The following STAB2 variants were observed in gnomAD, a reference collection of about 807,000 sequenced individuals.
STAB2 encodes stabilin 2.
A neutral mutation model predicts 338.1 loss-of-function variants in STAB2; 288 were observed. The observed-to-expected ratio is 0.85, with a 90% CI of 0.77 to 0.94. The LOEUF (loss-of-function observed/expected upper bound fraction) is 0.94. STAB2 is among the 40% of genes least tolerant of loss of function. The probability of loss-of-function intolerance (pLI) is 0.00; values close to 1 mark genes in which losing one functional copy is unlikely to be tolerated. For synonymous variants in STAB2, 1,202 were observed against 1,193.3 expected, an observed-to-expected ratio of 1.01 and a Z score of -0.15; for missense variants, 3,141 against 3,210.1, an observed-to-expected ratio of 0.98 and a Z score of 0.52.
At chr12:103,661,395 A>T (rs1874607784) in intron 17 of STAB2, among the ~76,000 whole-genome samples, 1 of 152,180 alleles carries the variant, frequency 6.6e-6, no homozygotes, top group Non-Finnish European at 1.5e-5. Flanking sequence ...GATGGTGATG[A>T]TTATCTCATT....
At chr12:103,680,075 G>C (rs77765270) in intron 25 of STAB2, among the ~76,000 whole-genome samples, 1 of 152,186 alleles carries the variant, frequency 6.6e-6, no homozygotes, top group African/African-American at 2.4e-5. Context: ...TCCTAGAATA[G>C]TCAGGTTCAT....
At chr12:103,635,939 G>A (rs1957538352) in intron 6 of STAB2, among the ~76,000 whole-genome samples, 1 of 152,154 alleles carries the variant, frequency 6.6e-6, no homozygotes, top group Admixed American at 6.5e-5. Flanking sequence ...TTTTTCCAGT[G>A]GTATTCAGAT....
chr12:103,744,868 T>A (rs1019607906), intron 56 of STAB2, among the ~76,000 whole-genome samples: 5 of 152,276 alleles, frequency 3.3e-5, no homozygotes, highest in South Asian at 4.2e-4. Flanking sequence ...CTCTCTACTG[T>A]GATTATAACA....
At chr12:103,724,416 T>G (rs887711377) in intron 44 of STAB2, among the ~76,000 whole-genome samples, 2 of 152,158 alleles carry the variant, frequency 1.3e-5, no homozygotes, top group African/African-American at 4.8e-5. Context: ...AAGGGGCCTA[T>G]GGGGTCAGGT....
intron 55 of STAB2, among the ~76,000 whole-genome samples, chr12:103,741,833 T>C (rs1882609345): frequency 6.6e-6 from 1 of 152,208 alleles, no homozygotes; most frequent in Non-Finnish European, 1.5e-5. Context: ...CTGGTCTGTC[T>C]TCAGCAGCTG....
rs528379947 is a variant in STAB2, at chr12:103,706,761, T to A, written c.3997-31T>A. On this transcript the variant is annotated intron_variant, in intron 37 of 68. Transcript: ENST00000388887. The stretch of plus-strand genomic sequence containing the variant: ...GCTGGACAACACCAGAGGATAGAAG[T>A]GCGTTGTCAAGCTTTGTCCTTCTGT... 3.1e-6 allele frequency: 5 copies of A among 1,613,468 alleles called. No homozygotes were observed. In the African/African-American group the frequency reaches 6.7e-5, roughly 22 times the overall value.
At chr12:103,602,915 G>A (rs1160282450) in intron 3 of STAB2, among the ~76,000 whole-genome samples, 1 of 152,072 alleles carries the variant, frequency 6.6e-6, no homozygotes, top group Non-Finnish European at 1.5e-5. Flanking sequence ...AATGTATCAT[G>A]CTTTTATAGA....
intron 39 of STAB2, among the ~76,000 whole-genome samples, chr12:103,710,520 C>T (rs897485970): frequency 6.6e-6 from 1 of 152,198 alleles, no homozygotes; most frequent in Non-Finnish European, 1.5e-5. Flanking sequence ...GGGCACCCAA[C>T]CCTTCTCAAA....
chr12:103,712,371 C>T lies in STAB2; in HGVS notation c.4339C>T (p.Leu1447Phe). 2 of 1,613,714 alleles carry T rather than the reference C, an allele frequency of 1.2e-6. No homozygotes were observed. The highest frequency in any genetic ancestry group is 1.7e-6 in the Non-Finnish European group (2 of 1,179,638). The change falls in exon 41 of 69, where the codon CTC becomes TTC. Residue 1447 changes from leucine (L) to phenylalanine (F), a missense_variant. By Grantham distance (22) the Leu-to-Phe change is conservative (BLOSUM62 0). Coordinates refer to ENST00000388887, the MANE Select transcript of STAB2 (RefSeq NM_017564.10). ...NGTCHTSANC[L>F]TNSDGTASCK... Reference sequence around the variant, plus strand: ...ATTTGTCCTTCCTTGTTGCAGCTGCCTCACCAACTCAGATGGTACAGCTTC... The same window carrying T: ...ATTTGTCCTTCCTTGTTGCAGCTGCTTCACCAACTCAGATGGTACAGCTTC...
intron 6 of STAB2, among the ~76,000 whole-genome samples, chr12:103,634,383 G>A (rs1957511043): frequency 6.6e-6 from 1 of 152,154 alleles, no homozygotes; most frequent in South Asian, 2.1e-4. Context: ...CATTTTCAGT[G>A]ATTGCTATGA....
intron 25 of STAB2, among the ~76,000 whole-genome samples, chr12:103,681,604 T>C (rs1010894969): frequency 1.4e-5 from 2 of 141,510 alleles, no homozygotes; most frequent in Non-Finnish European, 3.1e-5. Flanking sequence ...GTCTCCAAAT[T>C]CCCCCCTACT....
At chr12:103,709,204 A>G (rs1879628164) in intron 39 of STAB2, among the ~76,000 whole-genome samples, 1 of 152,208 alleles carries the variant, frequency 6.6e-6, no homozygotes, top group Non-Finnish European at 1.5e-5. Context: ...AGAGAAGGGA[A>G]TTTCAGGCAG....
At chr12:103,732,227 T>G (rs752606588) in intron 50 of STAB2, among the ~76,000 whole-genome samples, 5 of 152,138 alleles carry the variant, frequency 3.3e-5, no homozygotes, top group Non-Finnish European at 7.4e-5. Flanking sequence ...GAGAATCACT[T>G]GAACCCAGGA....
At chr12:103,700,313 CTA>C (rs1338073324) in intron 34 of STAB2, among the ~76,000 whole-genome samples, 1 of 152,148 alleles carries the variant, frequency 6.6e-6, no homozygotes, top group African/African-American at 2.4e-5. Context: ...ACACTAAACA[CTA>C]TATTGAAATG....
chr12:103,730,163 C>T lies in STAB2; in HGVS notation c.5130C>T (p.Ile1710=). The T allele has an allele frequency of 1.2e-6, 2 of 1,612,892 alleles. No homozygotes were observed. Among genetic ancestry groups the T allele is most frequent in the Non-Finnish European group, 1.7e-6 (2 of 1,179,362 alleles). The change falls in exon 49 of 69, where the codon ATC becomes ATT. Residue 1710 remains isoleucine (I), a synonymous_variant. Transcript: ENST00000388887. ...NNKAKIISSD[I]ISTNGIVHII... The stretch of plus-strand genomic sequence containing the variant: ...AGGCTAAGATCATATCCAGTGATAT[C>T]ATCAGTACTAATGGGATTGTTCATA...
chr12:103,673,349 T>A (rs533386433), intron 22 of STAB2, among the ~76,000 whole-genome samples: 4 of 152,018 alleles, frequency 2.6e-5, no homozygotes, highest in African/African-American at 9.6e-5. Context: ...TTTTTTTTTT[T>A]ATTTGTTTTG....
At chr12:103,748,137 A>C (rs1395916575) in intron 58 of STAB2, among the ~76,000 whole-genome samples, 1 of 152,198 alleles carries the variant, frequency 6.6e-6, no homozygotes, top group East Asian at 1.9e-4. Flanking sequence ...CTTTACACAA[A>C]TTAGATCTTG....
chr12:103,608,791 G>T (rs1224741160), intron 3 of STAB2, among the ~76,000 whole-genome samples: 7 of 152,124 alleles, frequency 4.6e-5, no homozygotes, highest in Non-Finnish European at 5.9e-5. Context: ...TATTGCCTAG[G>T]TTTTCTTCTA....
At position 103,658,448 on chromosome 12, in the gene STAB2, G is replaced by A. The variant is rs190613886; in HGVS notation, c.1735-1883G>A. On this transcript the variant is annotated intron_variant, in intron 15 of 68. Coordinates refer to ENST00000388887, the MANE Select transcript of STAB2 (RefSeq NM_017564.10). Reference sequence around the variant, plus strand: ...GCACACACAGTAACGGGAGTGATGCGGATCAATTTCTTTGTCCCTCTCATT... The same window carrying A: ...GCACACACAGTAACGGGAGTGATGCAGATCAATTTCTTTGTCCCTCTCATT... Among the ~76,000 whole-genome samples, 745 of 152,142 alleles carry A rather than the reference G, an allele frequency of 4.9e-3. 5 individuals carry two copies. The highest frequency in any genetic ancestry group is 4.2e-3 in the Non-Finnish European group (285 of 67,992).
Sources: allele counts gnomAD v4.1 joint callset (sites outside exome capture counted in the v4.1 genomes callset), GRCh38; gene constraint gnomAD v4.1.1; transcripts MANE v1.5; gene names NCBI Gene and HGNC (gene_info 2026-07-23, HGNC 2026-07-21).